The following FTCD variants were observed in gnomAD, a reference collection of about 807,000 sequenced individuals.
The protein encoded by FTCD is formimidoyltransferase-cyclodeaminase.
A neutral mutation model predicts 62.9 loss-of-function variants in FTCD; 76 were observed. The ratio of observed to expected loss-of-function variants is 1.21; its 90% confidence interval spans 1.00 to 1.46. The LOEUF is 1.46. Among genes scored for constraint, FTCD ranks in the 40% most tolerant of loss-of-function variants. The pLI is 0.00. For missense variants in FTCD, 845 were observed against 751.3 expected (o/e 1.12, Z -1.46); for synonymous variants, 397 against 336.9 (o/e 1.18, Z -1.95).
intron 8 of FTCD, 123 bp from the exon 9 acceptor site, chr21:46,146,070 A>C: frequency 1.4e-6 from 1 of 715,278 alleles, no homozygotes; most frequent in Non-Finnish European, 2.3e-6. Context: ...TCGGCTGAGA[A>C]CCTGCGGGGA....
At chr21:46,138,446 C>A (rs2078918616) in intron 12 of FTCD, 62 bp downstream of exon 12, 1 of 1,501,916 alleles carries the variant, frequency 6.7e-7, no homozygotes, top group South Asian at 1.2e-5. Context: ...TCCAGCAACT[C>A]AGCCCCAACA....
intron 9 of FTCD, 113 bp from the exon 10 acceptor site, chr21:46,145,691 C>G (rs950014384): frequency 1.2e-6 from 1 of 838,056 alleles, no homozygotes; most frequent in Admixed American, 2.9e-5. Context: ...GTGTGGCCCC[C>G]ACGTCTCCAC....
chr21:46,139,532 G>A (rs989360151), intron 10 of FTCD, among the ~76,000 whole-genome samples: 6 of 152,226 alleles, frequency 3.9e-5, no homozygotes, highest in African/African-American at 1.4e-4. Flanking sequence ...ACTGTGGCCA[G>A]AGCCCTGGCC....
Position 46,145,912 on chromosome 21 carries a change from A to C in FTCD, c.1004T>G (p.Leu335Arg). The stretch of plus-strand genomic sequence containing the variant: ...GAAGGCGCGCAGGGACTTGCTGCCC[A>C]GGCCTCGCTCAGGCCCGCGCTCAGG... ...LVPERGPERG[L>R]GSKSLRAFVG... The change falls in exon 9 of 14, where the codon CTG becomes CGG. Residue 335 changes from leucine (L) to arginine (R), a missense_variant. Physicochemically the swap from Leu to Arg is moderately radical, Grantham distance 102 (BLOSUM62 -2). Transcript: ENST00000397746. 6.7e-7 allele frequency: 1 copy of C among 1,498,922 alleles called. No individual in the cohort carries two copies. The highest frequency in any genetic ancestry group is 8.8e-7 in the Non-Finnish European group (1 of 1,131,408). 92.9% of individuals were successfully genotyped at this position (1,498,922 alleles called of 1,614,324 possible).
chr21:46,141,176 T>C (rs933271695), intron 10 of FTCD, among the ~76,000 whole-genome samples: 17 of 152,248 alleles, frequency 1.1e-4, no homozygotes, highest in Admixed American at 8.5e-4. Flanking sequence ...GTCGTTCTGT[T>C]GCCCAGGCTA....
At chr21:46,145,675 C>A in intron 9 of FTCD, 97 bp from the exon 10 acceptor site, 1 of 1,009,948 alleles carries the variant, frequency 9.9e-7, no homozygotes. Context: ...TGCGGGGGTC[C>A]CACCCGTGTG....
chr21:46,145,836 CG>C lies in FTCD; in HGVS notation c.1079del (p.Ala360GlyfsTer18). On this transcript the variant is annotated frameshift_variant, in exon 9 of 14. Coordinates refer to ENST00000397746, the MANE Select transcript of FTCD (RefSeq NM_206965.2). LOFTEE classifies it high-confidence loss of function. Reference protein sequence around the residue: ...RSAAPGGGSVAAAAAAMGAAL... With the variant: ...RSAAPGGGSVXAAAAAMGAAL... ...CGCTCACCATGGCCGCAGCGGCCGC[CG>C]CCACCGAGCCGCCCCCGGGGGCCGC... is the stretch of plus-strand genomic sequence containing the variant. 7.9e-7 allele frequency: 1 copy of C among 1,272,930 alleles called. No homozygotes were observed. The highest frequency in any genetic ancestry group is 2.9e-4 in the Middle Eastern group (1 of 3,434). The allele number at this position is 1,272,930 out of a possible 1,614,324, so 78.9% of individuals were successfully genotyped here.
chr21:46,137,462 C>G, intron 12 of FTCD, 128 bp from the exon 13 acceptor site: 1 of 766,484 alleles, frequency 1.3e-6, no homozygotes, highest in Admixed American at 1.9e-5. Flanking sequence ...CCCAGCGCAG[C>G]CCCCGCTTTC....
At chr21:46,136,355 A>G (rs2078866865), downstream of FTCD, 6 of 1,332,174 alleles carry the variant, frequency 4.5e-6, no homozygotes, top group East Asian at 1.2e-4. Context: ...GTCTCCCAGG[A>G]GCCACTGGTT....
chr21:46,152,761 G>A (rs1186587500), intron 3 of FTCD, 146 bp downstream of exon 3: 1 of 672,158 alleles, frequency 1.5e-6, no homozygotes, highest in Non-Finnish European at 2.4e-6. Context: ...GGTATTGAGG[G>A]AGCTGCGCTT....
Position 46,137,346 on chromosome 21 carries a change from C to T in FTCD, c.1444-12G>A, listed in dbSNP as rs759775086. ...GCTTTGGCCGCCACCTGCAAGGACC[C>T]CAGGGAGCCCCTACATGGATCAAGG... On this transcript the variant is annotated splice_polypyrimidine_tract_variant and intron_variant, in intron 12 of 13. Transcript: ENST00000397746. 1 of 1,601,084 alleles carries T rather than the reference C, an allele frequency of 6.2e-7. No homozygotes were observed. Among genetic ancestry groups the T allele is most frequent in the East Asian group, 2.2e-5 (1 of 44,730 alleles).
At position 46,142,540 on chromosome 21, in the gene FTCD, GT is replaced by G. The variant is rs1194407650; in HGVS notation, c.1260+2876del. ...GTAGCACAGCTGTTAGCTCCTCCCGGTGGGTTGGTGGTCTCGCTGACTTGAG... is the reference window on the plus strand; with the variant it reads ...GTAGCACAGCTGTTAGCTCCTCCCGGGGGTTGGTGGTCTCGCTGACTTGAG... On this transcript the variant is annotated intron_variant, in intron 10 of 13. Transcript: ENST00000397746. 2.0e-5 allele frequency: 3 copies of G among 152,386 alleles called. No individual in the cohort carries two copies. The East Asian group carries it at 5.8e-4, about 29-fold the overall frequency. The allele number at this position is 152,386 out of a possible 1,614,324, so 9.4% of individuals were successfully genotyped here.
chr21:46,137,147 C>G, intron 13 of FTCD, 74 bp from the exon 14 acceptor site: 1 of 1,596,776 alleles, frequency 6.3e-7, no homozygotes, highest in East Asian at 2.2e-5. Context: ...AACCTCCGAC[C>G]CCCACTGCCC....
chr21:46,138,746 G>T, intron 11 of FTCD, 100 bp from the exon 12 acceptor site: 2 of 1,462,628 alleles, frequency 1.4e-6, no homozygotes, highest in South Asian at 1.1e-5. Context: ...AGAAGCGGGC[G>T]ATGGGAAGTC....
rs150474296 is a variant in FTCD, at chr21:46,141,653, A to G, written c.1261-2730T>C. On this transcript the variant is annotated intron_variant, in intron 10 of 13. Coordinates refer to ENST00000397746, the MANE Select transcript of FTCD (RefSeq NM_206965.2). ...AGTCATTGTCAGAAGCCCCACACGC[A>G]AAGTCCAAAGACGAACAACAAACGG... Among the ~76,000 whole-genome samples the G allele has an allele frequency of 3.3e-5, 5 of 152,244 alleles. No homozygotes were observed. In the East Asian group the frequency reaches 9.7e-4, roughly 29 times the overall value.
intron 10 of FTCD, among the ~76,000 whole-genome samples, chr21:46,145,133 G>A (rs1354307163): frequency 6.6e-6 from 1 of 152,216 alleles, no homozygotes; most frequent in African/African-American, 2.4e-5. Flanking sequence ...CTGGGCTCCT[G>A]GCTCCCCTGC....
chr21:46,152,131 A>G (rs1327298981), intron 3 of FTCD, 151 bp from the exon 4 acceptor site: 1 of 612,084 alleles, frequency 1.6e-6, no homozygotes, highest in Non-Finnish European at 2.9e-6. Flanking sequence ...TCCGCCTTGG[A>G]TGGATGCGGG....
At chr21:46,144,375 T>TCTCCCTCTCTCTCC (rs1001779389) in intron 10 of FTCD, among the ~76,000 whole-genome samples, 1 of 112,118 alleles carries the variant, frequency 8.9e-6, no homozygotes, top group African/African-American at 3.4e-5. Flanking sequence ...CTCTCCCCTC[T>TCTCCCTCTCTCTCC]CTCCCTCTCT....
intron 10 of FTCD, among the ~76,000 whole-genome samples, 179 bp downstream of exon 10, chr21:46,145,238 G>T (rs2079111862): frequency 6.6e-6 from 1 of 152,212 alleles, no homozygotes; most frequent in Non-Finnish European, 1.5e-5. Context: ...CCAAGCACTT[G>T]CCGGGGTGAG....
Sources: gnomAD v4.1 joint callset for allele counts (sites outside exome capture counted in the v4.1 genomes callset) on GRCh38, gnomAD v4.1.1 for gene constraint, MANE v1.5 for transcripts, NCBI Gene and HGNC (gene_info 2026-07-23, HGNC 2026-07-21) for gene names.